The following PPFIBP1 variants were observed in gnomAD, a reference collection of about 807,000 sequenced individuals.
The protein encoded by PPFIBP1 is PPFIB scaffold protein 1.
In PPFIBP1, 112 loss-of-function variants were observed where a neutral mutation model predicts 137.8. The observed-to-expected ratio is 0.81, with a 90% CI of 0.70 to 0.95. PPFIBP1 has a LOEUF of 0.95. Ranked by LOEUF, PPFIBP1 falls within the 40% of genes least tolerant of loss-of-function variation. PPFIBP1 has a pLI of 0.00. For missense variants in PPFIBP1, 1,083 were observed against 1,196.6 expected (o/e 0.91, Z 1.40); for synonymous variants, 378 against 417.3 (o/e 0.91, Z 1.15).
intron 9 of PPFIBP1, among the ~76,000 whole-genome samples, chr12:27,658,011 C>T (rs2059319444): frequency 6.6e-6 from 1 of 151,850 alleles, no homozygotes; most frequent in Non-Finnish European, 1.5e-5. Flanking sequence ...TGGCTCACTC[C>T]TGTAATCCCA....
intron 25 of PPFIBP1, among the ~76,000 whole-genome samples, chr12:27,688,022 G>C (rs2061302759): frequency 6.6e-6 from 1 of 152,012 alleles, no homozygotes; most frequent in Non-Finnish European, 1.5e-5. Context: ...GGAGATGGAG[G>C]CTGCAGTGAG....
chr12:27,680,819 T>A (rs1380068924), intron 21 of PPFIBP1, among the ~76,000 whole-genome samples: 1 of 152,182 alleles, frequency 6.6e-6, no homozygotes, highest in African/African-American at 2.4e-5. Context: ...ACCAAATCTT[T>A]TAACAGTATA....
At chr12:27,687,640 G>A in intron 25 of PPFIBP1, 133 bp downstream of exon 25, 2 of 1,072,862 alleles carry the variant, frequency 1.9e-6, no homozygotes, top group African/African-American at 1.6e-5. Context: ...TACTTCTTAG[G>A]CTTTTTCTGT....
chr12:27,528,009 C>T (rs188229844), intron 1 of PPFIBP1, among the ~76,000 whole-genome samples: 264 of 152,168 alleles, frequency 1.7e-3, no homozygotes, highest in African/African-American at 6.1e-3. Context: ...AGTGCAGTGG[C>T]GTGATCTTGC....
intron 2 of PPFIBP1, among the ~76,000 whole-genome samples, chr12:27,605,219 T>C (rs1045310494): frequency 6.6e-6 from 1 of 152,154 alleles, no homozygotes; most frequent in Non-Finnish European, 1.5e-5. Flanking sequence ...AATCTTGTAA[T>C]GTGAAAACAA....
At chr12:27,630,871 T>C (rs1478405956) in intron 2 of PPFIBP1, among the ~76,000 whole-genome samples, 1 of 151,452 alleles carries the variant, frequency 6.6e-6, no homozygotes, top group Non-Finnish European at 1.5e-5. Context: ...ATTATTTATA[T>C]GCTTCAGTTT....
rs143591000 is a variant in PPFIBP1 at position 27,546,100 on chromosome 12, A to G, written c.-124+21735A>G. On this transcript the variant is annotated intron_variant, in intron 1 of 29. Transcript: ENST00000228425. ...TTCCTGTGAAATATTAATCTGTGGT[A>G]TGAAGGTGGGAGTCACAAAGGGAGG... 8.6e-4 allele frequency among the ~76,000 whole-genome samples: 131 copies of G among 152,304 alleles called. 1 individual carries two copies. Among genetic ancestry groups the G allele is most frequent in the African/African-American group, 2.9e-3 (119 of 41,574 alleles).
At chr12:27,592,911 A>C (rs1279553566) in intron 2 of PPFIBP1, among the ~76,000 whole-genome samples, 3 of 152,068 alleles carry the variant, frequency 2.0e-5, no homozygotes, top group Non-Finnish European at 4.4e-5. Flanking sequence ...AGGCCGAGGC[A>C]TGTGGATCAC....
At chr12:27,572,898 T>C (rs16932199) in intron 1 of PPFIBP1, among the ~76,000 whole-genome samples, 2,500 of 152,320 alleles carry the variant, frequency 0.016, 68 homozygotes, top group African/African-American at 0.057. Flanking sequence ...GCTATCACTT[T>C]CTTGTACCAC....
chr12:27,681,635 G>A lies in PPFIBP1; in HGVS notation c.1985G>A (p.Gly662Asp). Residue 662 changes from glycine (G) to aspartate (D), a missense_variant, in exon 22 of 30, where the codon GGC (glycine) becomes GAC (aspartate). By Grantham distance (94) the Gly-to-Asp change is moderately conservative. Coordinates refer to ENST00000228425, the MANE Select transcript of PPFIBP1 (RefSeq NM_003622.4). ...EQGLGSYLNS[G>D]KHWIASGQTL... Reference sequence around the variant, plus strand: ...GGCTTGGGCTCGTACCTGAATTCTGGCAAGCACTGGATTGCATCTGGCCAA... The same window carrying A: ...GGCTTGGGCTCGTACCTGAATTCTGACAAGCACTGGATTGCATCTGGCCAA... 2 of 1,614,148 alleles carry A rather than the reference G, an allele frequency of 1.2e-6. No homozygotes were observed. The highest frequency in any genetic ancestry group is 1.7e-6 in the Non-Finnish European group (2 of 1,180,016).
At chr12:27,612,356 C>G (rs981013756) in intron 2 of PPFIBP1, among the ~76,000 whole-genome samples, 4 of 59,240 alleles carry the variant, frequency 6.8e-5, no homozygotes, top group African/African-American at 1.9e-4. Flanking sequence ...TTTTTTGAGA[C>G]AGGGTCTCAC....
rs1447851411 is a variant in PPFIBP1 at position 27,689,221 on chromosome 12, C to CG, written c.2685+20dup. 2.0e-6 allele frequency: 3 copies of CG among 1,523,144 alleles called. No homozygotes were observed. The highest frequency in any genetic ancestry group is 2.6e-6 in the Non-Finnish European group (3 of 1,141,936). The allele number at this position is 1,523,144 out of a possible 1,614,324, so 94.4% of individuals were successfully genotyped here. ...AAGTGAAGGTTGGTTCAGGCTCATA[C>CG]GGTTTAATAATTGCTTGGCGCAAAG... On this transcript the variant is annotated intron_variant, in intron 27 of 29. Coordinates refer to ENST00000228425, the MANE Select transcript of PPFIBP1 (RefSeq NM_003622.4).
rs1260008283 is a variant in PPFIBP1, at chr12:27,650,036, A to T, written c.498A>T (p.Glu166Asp). The T allele has an allele frequency of 6.2e-7, 1 of 1,603,616 alleles. No homozygotes were observed. The highest frequency in any genetic ancestry group is 1.1e-5 in the South Asian group (1 of 90,812). ...AGCTTCTAAGTAGGACATCCTTAGA[A>T]ACTCAGAAGTTGGATCTGATGGCTG... The part of the protein sequence containing the change: ...QQELLSRTSL[E>D]TQKLDLMAEI... The change falls in exon 7 of 30, where the codon GAA becomes GAT. Residue 166 changes from glutamate (E) to aspartate (D), a missense_variant. Transcript: ENST00000228425.
intron 14 of PPFIBP1, 104 bp from the exon 15 acceptor site, chr12:27,672,323 C>A: frequency 2.4e-6 from 2 of 833,210 alleles, no homozygotes; most frequent in South Asian, 1.6e-5. Flanking sequence ...ATAGAAATAG[C>A]TTCCTTTGCA....
intron 1 of PPFIBP1, among the ~76,000 whole-genome samples, chr12:27,566,935 C>T (rs1324570938): frequency 6.6e-6 from 1 of 152,190 alleles, no homozygotes; most frequent in Non-Finnish European, 1.5e-5. Flanking sequence ...CTAAATACTA[C>T]TTTATAATAA....
intron 2 of PPFIBP1, among the ~76,000 whole-genome samples, chr12:27,588,281 C>T (rs2052034608): frequency 6.6e-6 from 1 of 152,162 alleles, no homozygotes; most frequent in Non-Finnish European, 1.5e-5. Context: ...TCTTAGAGAG[C>T]ATGTGCATGT....
chr12:27,692,672 G>T lies in PPFIBP1; in HGVS notation c.2931+16G>T. The T allele has an allele frequency of 1.2e-6, 2 of 1,614,046 alleles. No individual in the cohort carries two copies. Among genetic ancestry groups the T allele is most frequent in the South Asian group, 1.1e-5 (1 of 91,056 alleles). On this transcript the variant is annotated intron_variant, in intron 29 of 29. Coordinates refer to ENST00000228425, the MANE Select transcript of PPFIBP1 (RefSeq NM_003622.4). ...CAATCTGACGGTGAGTTTGTGAAAT[G>T]AATTGAAAATGTTATTCTATAAATG...
At chr12:27,653,021 A>G (rs953299436) in intron 7 of PPFIBP1, among the ~76,000 whole-genome samples, 9 of 152,200 alleles carry the variant, frequency 5.9e-5, no homozygotes, top group African/African-American at 2.2e-4. Context: ...GTGTAATTGT[A>G]TAACTATGAT....
At chr12:27,595,683 C>T (rs1185439523) in intron 2 of PPFIBP1, among the ~76,000 whole-genome samples, 1 of 151,894 alleles carries the variant, frequency 6.6e-6, no homozygotes, top group East Asian at 1.9e-4. Flanking sequence ...GGAGAAACCC[C>T]ATCTCTACTA....
Sources: allele counts gnomAD v4.1 joint callset (sites outside exome capture counted in the v4.1 genomes callset), GRCh38; gene constraint gnomAD v4.1.1; transcripts MANE v1.5; gene names NCBI Gene and HGNC (gene_info 2026-07-23, HGNC 2026-07-21).